DNAAF11: variants seen among roughly 807,000 people sequenced by gnomAD.
The protein encoded by DNAAF11 is dynein axonemal assembly factor 11.
In DNAAF11, 45 loss-of-function variants were observed where a neutral mutation model predicts 60.8. The ratio of observed to expected loss-of-function variants is 0.74; its 90% CI spans 0.58 to 0.95. DNAAF11 has a LOEUF of 0.95. Ranked by LOEUF, DNAAF11 falls within the 40% of genes least tolerant of loss-of-function variation. DNAAF11 has a pLI of 0.00. For missense variants in DNAAF11, 546 were observed against 546.2 expected, an observed-to-expected ratio of 1.00 and a Z score of 0.00; for synonymous variants, 191 against 183.5, an observed-to-expected ratio of 1.04 and a Z score of -0.33.
chr8:132,587,053 A>G (rs962743406), intron 10 of DNAAF11, among the ~76,000 whole-genome samples: 1 of 152,202 alleles, frequency 6.6e-6, no homozygotes, highest in Admixed American at 6.5e-5. Flanking sequence ...AGTTTTGTAC[A>G]GCTTTACATT....
chr8:132,570,988 C>G lies in DNAAF11; in HGVS notation c.*1318G>C, dbSNP rs1409388501. 6.6e-6 allele frequency among the ~76,000 whole-genome samples: 1 copy of G among 152,232 alleles called. No homozygotes were observed. Among genetic ancestry groups the G allele is most frequent in the Non-Finnish European group, 1.5e-5 (1 of 68,044 alleles). Reference sequence around the variant, plus strand: ...TCTTCTTCCAATTCTCTACCTCTCCCTTCTAGAGCTTCACTACCCAGCTCT... The same window carrying G: ...TCTTCTTCCAATTCTCTACCTCTCCGTTCTAGAGCTTCACTACCCAGCTCT... On this transcript the variant is annotated 3_prime_UTR_variant, in exon 12 of 12. Transcript: ENST00000620350.
chr8:132,599,283 T>C lies in DNAAF11; in HGVS notation c.1140+10883A>G, dbSNP rs189605082. ...GCTCTGAAATTGAGGCAATAATTAA[T>C]AGCCTACCAACCAAAAAAAGTCCAG... On this transcript the variant is annotated intron_variant, in intron 10 of 11. Coordinates refer to ENST00000620350, the MANE Select transcript of DNAAF11 (RefSeq NM_012472.6). Among the ~76,000 whole-genome samples, 629 of 152,194 alleles carry C rather than the reference T, an allele frequency of 4.1e-3. 2 individuals carry two copies. Among genetic ancestry groups the C allele is most frequent in the South Asian group, 0.01 (49 of 4,822 alleles).
chr8:132,660,414 CTT>C, intron 2 of DNAAF11, among the ~76,000 whole-genome samples: 1 of 152,274 alleles, frequency 6.6e-6, no homozygotes, highest in African/African-American at 2.4e-5. Flanking sequence ...AAGACTAAGA[CTT>C]GGGCAAGTAA....
chr8:132,670,763 T>C (rs868156579), intron 1 of DNAAF11, among the ~76,000 whole-genome samples: 1 of 152,168 alleles, frequency 6.6e-6, no homozygotes, highest in Admixed American at 6.5e-5. Flanking sequence ...TTATACATTA[T>C]AACCAAGGGG....
the DNAAF11 span, among the ~76,000 whole-genome samples, chr8:132,686,995 CTT>C: frequency 6.6e-6 from 1 of 152,138 alleles, no homozygotes; most frequent in Non-Finnish European, 1.5e-5. Context: ...TGACAGAAAA[CTT>C]TGCTTTTTCC....
At chr8:132,621,456 A>T (rs112289697) in intron 7 of DNAAF11, among the ~76,000 whole-genome samples, 434 of 152,200 alleles carry the variant, frequency 2.9e-3, no homozygotes, top group African/African-American at 9.9e-3. Context: ...TGGTGGGTAA[A>T]CAGTTCTTCA....
chr8:132,660,302 G>A (rs1349934585), intron 2 of DNAAF11, among the ~76,000 whole-genome samples: 1 of 151,906 alleles, frequency 6.6e-6, no homozygotes, highest in Non-Finnish European at 1.5e-5. Context: ...ATGTATACAT[G>A]TGCCGTGCTG....
At position 132,625,469 on chromosome 8, in the gene DNAAF11, T is replaced by C. The variant is rs780441062; in HGVS notation, c.654-15A>G. On this transcript the variant is annotated splice_polypyrimidine_tract_variant and intron_variant, in intron 5 of 11. Coordinates refer to ENST00000620350, the MANE Select transcript of DNAAF11 (RefSeq NM_012472.6). Reference sequence around the variant, plus strand: ...CTAAAGAGGAACTAGGAAAAACAAATAGAGCACTTAAAAACAATAATGGAT... The same window carrying C: ...CTAAAGAGGAACTAGGAAAAACAAACAGAGCACTTAAAAACAATAATGGAT... The C allele has an allele frequency of 6.3e-6, 10 of 1,580,892 alleles. No homozygotes were observed. The highest frequency in any genetic ancestry group is 4.7e-5 in the South Asian group (4 of 84,822).
At chr8:132,615,810 ATTT>A (rs1391980608) in intron 7 of DNAAF11, among the ~76,000 whole-genome samples, 2 of 152,188 alleles carry the variant, frequency 1.3e-5, no homozygotes, top group African/African-American at 4.8e-5. Flanking sequence ...TGCCTGGTCA[ATTT>A]TCTTTTGAAC....
At chr8:132,684,541 C>G in the DNAAF11 span, among the ~76,000 whole-genome samples, 3 of 152,318 alleles carry the variant, frequency 2.0e-5, no homozygotes, top group African/African-American at 7.2e-5. Context: ...CATGATTGGT[C>G]TTTCTGGCAT....
At chr8:132,652,437 G>GA (rs35651391) in intron 3 of DNAAF11, among the ~76,000 whole-genome samples, 7 of 152,242 alleles carry the variant, frequency 4.6e-5, no homozygotes, top group East Asian at 1.9e-4. Context: ...TTCAGGGGAT[G>GA]AAAAAAATTG....
upstream of DNAAF11, among the ~76,000 whole-genome samples, chr8:132,678,196 C>G (rs953647731): frequency 3.9e-5 from 6 of 152,170 alleles, no homozygotes; most frequent in African/African-American, 1.4e-4. Context: ...CAGTCAAGTT[C>G]CAGTCCCCCA....
the DNAAF11 span, chr8:132,685,211 C>T: frequency 2.0e-5 from 3 of 152,130 alleles, no homozygotes; most frequent in African/African-American, 4.8e-5. Flanking sequence ...GTTAGAACAC[C>T]TGGGTCCAGC....
chr8:132,641,025 T>G (rs1428457320), intron 3 of DNAAF11, among the ~76,000 whole-genome samples: 3 of 152,142 alleles, frequency 2.0e-5, no homozygotes, highest in African/African-American at 7.2e-5. Flanking sequence ...CATGAGTTCA[T>G]GCCAATATAA....
chr8:132,639,769 C>T (rs1050762949), intron 3 of DNAAF11, among the ~76,000 whole-genome samples: 1 of 152,040 alleles, frequency 6.6e-6, no homozygotes, highest in Admixed American at 6.6e-5. Flanking sequence ...CTCTCTATAT[C>T]CACCCATCCA....
At chr8:132,633,852 A>T (rs1014043471) in intron 4 of DNAAF11, among the ~76,000 whole-genome samples, 1 of 152,196 alleles carries the variant, frequency 6.6e-6, no homozygotes, top group African/African-American at 2.4e-5. Flanking sequence ...ATCCTCTAGA[A>T]GCTGAAAGGG....
intron 3 of DNAAF11, among the ~76,000 whole-genome samples, chr8:132,651,295 G>T (rs952339943): frequency 6.6e-6 from 1 of 151,646 alleles, no homozygotes; most frequent in African/African-American, 2.4e-5. Context: ...AAGGATACTA[G>T]CTATTTTTTT....
At chr8:132,671,806 A>G (rs991816803) in intron 1 of DNAAF11, among the ~76,000 whole-genome samples, 96 of 152,024 alleles carry the variant, frequency 6.3e-4, no homozygotes, top group African/African-American at 2.2e-3. Context: ...CTGGATTTCC[A>G]TATTAAAAAA....
the DNAAF11 span, among the ~76,000 whole-genome samples, chr8:132,688,940 C>T: frequency 6.6e-6 from 1 of 152,130 alleles, no homozygotes; most frequent in Non-Finnish European, 1.5e-5. Context: ...TGTAAGGAAA[C>T]TAAGAGTGTT....
Sources: allele counts gnomAD v4.1 joint callset (sites outside exome capture counted in the v4.1 genomes callset), GRCh38; gene constraint gnomAD v4.1.1; transcripts MANE v1.5; gene names NCBI Gene and HGNC (gene_info 2026-07-23, HGNC 2026-07-21).